The following CBLB variants were observed in gnomAD, a reference collection of about 807,000 sequenced individuals.
The protein encoded by CBLB is Cbl proto-oncogene B.
CBLB carries 31 observed loss-of-function variants against 104.9 expected under a neutral mutation model. The observed-to-expected ratio is 0.30, with a 90% CI of 0.22 to 0.40. The LOEUF (loss-of-function observed/expected upper bound fraction) is 0.40. Among genes scored for constraint, CBLB ranks in the 10% least tolerant of loss-of-function variants. CBLB has a pLI of 1.00. For missense variants in CBLB, 1,062 were observed against 1,214.6 expected (o/e 0.87, Z 1.87); for synonymous variants, 440 against 422.6 (o/e 1.04, Z -0.51).
intron 3 of CBLB, among the ~76,000 whole-genome samples, chr3:105,842,218 A>G (rs745498599): frequency 2.6e-5 from 4 of 152,174 alleles, no homozygotes; most frequent in Non-Finnish European, 5.9e-5. Flanking sequence ...GTGACCTGGC[A>G]CAAGTGATGA....
chr3:105,696,764 C>G (rs1229893272), intron 12 of CBLB, among the ~76,000 whole-genome samples: 1 of 151,904 alleles, frequency 6.6e-6, no homozygotes, highest in Non-Finnish European at 1.5e-5. Context: ...ATTATGATTA[C>G]TTAATGTAGA....
At chr3:105,720,010 C>T (rs2072536630) in intron 10 of CBLB, 37 bp downstream of exon 10, 1 of 1,454,914 alleles carries the variant, frequency 6.9e-7, no homozygotes, top group Non-Finnish European at 9.7e-7. Context: ...TTCATATGGT[C>T]ACATCACCTT....
At chr3:105,681,893 A>G in intron 14 of CBLB, 75 bp from the exon 15 acceptor site, 1 of 853,194 alleles carries the variant, frequency 1.2e-6, no homozygotes, top group Non-Finnish European at 2.0e-6. Context: ...GGTAGAGGGA[A>G]CTAGTATTCC....
chr3:105,693,153 G>A (rs1392873957), intron 13 of CBLB, among the ~76,000 whole-genome samples: 1 of 151,948 alleles, frequency 6.6e-6, no homozygotes, highest in Non-Finnish European at 1.5e-5. Context: ...GTCAAACTGG[G>A]AAGCTGAGAT....
intron 4 of CBLB, 72 bp downstream of exon 4, chr3:105,776,324 T>C (rs1400325540): frequency 2.3e-6 from 3 of 1,313,794 alleles, no homozygotes; most frequent in African/African-American, 3.0e-5. Context: ...ATATATACCA[T>C]ATCCAACTGG....
chr3:105,764,522 T>A (rs1211780425), intron 4 of CBLB, among the ~76,000 whole-genome samples: 1 of 152,206 alleles, frequency 6.6e-6, no homozygotes, highest in East Asian at 1.9e-4. Flanking sequence ...ATGTTCTCAC[T>A]GCTCCACCAA....
At chr3:105,707,022 AC>A (rs1247977683) in intron 10 of CBLB, among the ~76,000 whole-genome samples, 1 of 152,210 alleles carries the variant, frequency 6.6e-6, no homozygotes, top group African/African-American at 2.4e-5. Flanking sequence ...TGGATTAATT[AC>A]TAATATTTAA....
intron 1 of CBLB, 92 bp downstream of exon 1, chr3:105,868,644 C>T: frequency 1.2e-6 from 1 of 842,440 alleles, no homozygotes; most frequent in Non-Finnish European, 1.5e-6. Context: ...CCAGGGCTGT[C>T]CCCTCTTCCT....
intron 9 of CBLB, among the ~76,000 whole-genome samples, chr3:105,729,811 T>C (rs993377880): frequency 2.0e-5 from 3 of 152,142 alleles, no homozygotes; most frequent in Admixed American, 2.0e-4. Context: ...ATTAACTTTA[T>C]AGGACTTTTA....
At chr3:105,798,965 G>A (rs2082536058) in intron 3 of CBLB, among the ~76,000 whole-genome samples, 1 of 151,878 alleles carries the variant, frequency 6.6e-6, no homozygotes, top group Non-Finnish European at 1.5e-5. Flanking sequence ...AACAGTAAAG[G>A]GTCTTGTTTC....
intron 10 of CBLB, among the ~76,000 whole-genome samples, chr3:105,711,199 A>G (rs1189668148): frequency 1.3e-5 from 2 of 152,080 alleles, no homozygotes; most frequent in East Asian, 3.8e-4. Flanking sequence ...AGTCAATTTT[A>G]TAATACTTTT....
chr3:105,758,309 T>C (rs994689124), intron 4 of CBLB, among the ~76,000 whole-genome samples: 1 of 152,196 alleles, frequency 6.6e-6, no homozygotes, highest in African/African-American at 2.4e-5. Context: ...CATAATTAGA[T>C]TGAACCACTC....
chr3:105,756,515 T>G (rs555402285), intron 4 of CBLB, among the ~76,000 whole-genome samples: 6 of 152,284 alleles, frequency 3.9e-5, no homozygotes, highest in Middle Eastern at 3.4e-3. Flanking sequence ...ATTCATATTA[T>G]AAAGAGTCAG....
intron 18 of CBLB, among the ~76,000 whole-genome samples, chr3:105,665,553 T>C (rs1008269187): frequency 6.8e-6 from 1 of 146,858 alleles, no homozygotes; most frequent in Non-Finnish European, 1.5e-5. Context: ...AATAAATTTA[T>C]ATTTATATCT....
At chr3:105,818,980 A>G (rs1023357342) in intron 3 of CBLB, among the ~76,000 whole-genome samples, 5 of 152,224 alleles carry the variant, frequency 3.3e-5, no homozygotes, top group African/African-American at 1.2e-4. Flanking sequence ...ACTTAACTTC[A>G]TAATTGCATC....
chr3:105,765,715 T>C (rs984417946), intron 4 of CBLB, among the ~76,000 whole-genome samples: 1 of 152,172 alleles, frequency 6.6e-6, no homozygotes, highest in African/African-American at 2.4e-5. Context: ...AGCCTACTGT[T>C]GAGATATGCT....
rs1321733876 is a variant in CBLB at position 105,732,534 on chromosome 3, G to A, written c.1203+1475C>T. ...AGGGATTTTGAACAACGTTACTGAGGTAGCAAAGATCTCTGGGCATTCAGA... is the reference window on the plus strand; with the variant it reads ...AGGGATTTTGAACAACGTTACTGAGATAGCAAAGATCTCTGGGCATTCAGA... On this transcript the variant is annotated intron_variant, in intron 9 of 18. Transcript: ENST00000394030. Among the ~76,000 whole-genome samples, 2 of 152,094 alleles carry A rather than the reference G, an allele frequency of 1.3e-5. 1 individual carries two copies. Among genetic ancestry groups the A allele is most frequent in the East Asian group, 3.8e-4 (2 of 5,196 alleles).
rs763412931 is a variant in CBLB, at chr3:105,703,997, A to G, written c.1584T>C (p.Gly528=). ...IVRSPCGSPT[G]SPKSSPCMVR... is the part of the protein sequence containing the mutation. ...AATAAAATTGATCTACCTTTGGTGAACCCGTTGGGCTGCCACAGGGAGATC... is the reference window on the plus strand; with the variant it reads ...AATAAAATTGATCTACCTTTGGTGAGCCCGTTGGGCTGCCACAGGGAGATC... The change falls in exon 11 of 19, where the codon GGT becomes GGC. Residue 528 remains glycine (G), a synonymous_variant. Coordinates refer to ENST00000394030, the MANE Select transcript of CBLB (RefSeq NM_170662.5). The G allele has an allele frequency of 4.3e-6, 7 of 1,613,852 alleles. No homozygotes were observed. In the South Asian group the frequency reaches 5.5e-5, roughly 13 times the overall value.
At chr3:105,661,522 C>T (rs2063787047) in intron 18 of CBLB, among the ~76,000 whole-genome samples, 1 of 152,044 alleles carries the variant, frequency 6.6e-6, no homozygotes, top group Non-Finnish European at 1.5e-5. Flanking sequence ...TACAAAAGTA[C>T]CTAGACTTAG....
Sources: allele counts gnomAD v4.1 joint callset (sites outside exome capture counted in the v4.1 genomes callset), GRCh38; gene constraint gnomAD v4.1.1; transcripts MANE v1.5; gene names NCBI Gene and HGNC (gene_info 2026-07-23, HGNC 2026-07-21).